The following TNS3 variants were observed in gnomAD, a reference collection of about 807,000 sequenced individuals.
TNS3 encodes the protein tensin 3.
A neutral mutation model predicts 140.9 loss-of-function variants in TNS3; 45 were observed. That is an observed-to-expected ratio of 0.32 (90% CI 0.25 to 0.41). TNS3 has a LOEUF of 0.41. Ranked by LOEUF, TNS3 falls within the 10% of genes least tolerant of loss-of-function variation. TNS3 has a pLI of 1.00. For synonymous variants in TNS3, 815 were observed against 788.4 expected, an observed-to-expected ratio of 1.03 and a Z score of -0.56; for missense variants, 1,716 against 1,906.7, an observed-to-expected ratio of 0.90 and a Z score of 1.86.
At chr7:47,495,053 T>C (rs1204335315) in intron 3 of TNS3, among the ~76,000 whole-genome samples, 1 of 151,928 alleles carries the variant, frequency 6.6e-6, no homozygotes, top group Non-Finnish European at 1.5e-5. Flanking sequence ...AGAAACGTTC[T>C]TCTCCCCGGC....
At chr7:47,427,683 G>T (rs1211828800) in intron 9 of TNS3, among the ~76,000 whole-genome samples, 1 of 152,116 alleles carries the variant, frequency 6.6e-6, no homozygotes, top group Admixed American at 6.5e-5. Context: ...GACCCGAGTG[G>T]CACCTCCAAA....
At chr7:47,459,590 C>A (rs562037634) in intron 4 of TNS3, among the ~76,000 whole-genome samples, 32 of 152,234 alleles carry the variant, frequency 2.1e-4, no homozygotes, top group Middle Eastern at 6.8e-3. Flanking sequence ...TAAATTCCCC[C>A]ACAAGAGAAC....
intron 2 of TNS3, among the ~76,000 whole-genome samples, chr7:47,518,977 A>G (rs1798872866): frequency 6.6e-6 from 1 of 152,136 alleles, no homozygotes; most frequent in African/African-American, 2.4e-5. Flanking sequence ...GGCACTGACT[A>G]ATGTTGATGA....
intron 5 of TNS3, among the ~76,000 whole-genome samples, chr7:47,441,435 C>T (rs1402704594): frequency 1.3e-5 from 2 of 152,190 alleles, no homozygotes; most frequent in Non-Finnish European, 2.9e-5. Context: ...CTCAGCCTCC[C>T]AAAGTGCTGG....
Position 47,297,141 on chromosome 7 carries a change from T to C in TNS3, c.3617A>G (p.Tyr1206Cys). Residue 1206 changes from tyrosine to cysteine, a missense_variant, in exon 24 of 31, where the codon TAT becomes TGT. By Grantham distance (194) the Tyr-to-Cys change is radical (BLOSUM62 -2). Coordinates refer to ENST00000311160, the MANE Select transcript of TNS3 (RefSeq NM_022748.12). ...VRDSHSFRGA[Y>C]GLAMKVATPP... ...CGTGGCCACCTTCATGGCCAGGCCA[T>C]AGGCCCCTCGGAAGGAATGGCTGTC... The C allele has an allele frequency of 1.9e-6, 3 of 1,614,058 alleles. No individual in the cohort carries two copies. Among genetic ancestry groups the C allele is most frequent in the Non-Finnish European group, 2.5e-6 (3 of 1,180,028 alleles).
rs369807762 is a variant in TNS3 at position 47,400,327 on chromosome 7, C to A, written c.919+66G>T. The A allele has an allele frequency of 1.6e-5, 21 of 1,321,132 alleles. No individual in the cohort carries two copies. The African/African-American group carries it at 2.9e-4, about 18-fold the overall frequency. The allele number at this position is 1,321,132 out of a possible 1,614,324, so 81.8% of individuals were successfully genotyped here. A position where few individuals can be genotyped will look rare whatever the true frequency, so the allele number is the denominator to read the frequency against. On this transcript the variant is annotated intron_variant, in intron 15 of 30. Coordinates refer to ENST00000311160, the MANE Select transcript of TNS3 (RefSeq NM_022748.12). Reference sequence around the variant, plus strand: ...CAGGAGACTAGTACTACAGCCCCAGCGTAGCCATCATGCACCTTTCACCAG... The same window carrying A: ...CAGGAGACTAGTACTACAGCCCCAGAGTAGCCATCATGCACCTTTCACCAG...
chr7:47,456,085 T>C (rs1194571884), intron 4 of TNS3, among the ~76,000 whole-genome samples: 1 of 152,200 alleles, frequency 6.6e-6, no homozygotes, highest in African/African-American at 2.4e-5. Flanking sequence ...CTCAATTGTT[T>C]TTAACAAGGT....
intron 17 of TNS3, among the ~76,000 whole-genome samples, chr7:47,355,611 G>C (rs1031717006): frequency 6.6e-6 from 1 of 152,148 alleles, no homozygotes; most frequent in African/African-American, 2.4e-5. Flanking sequence ...TTCTCAGATC[G>C]CTTAGCCAGA....
chr7:47,354,501 T>C (rs1789875704), intron 17 of TNS3, among the ~76,000 whole-genome samples: 4 of 151,908 alleles, frequency 2.6e-5, no homozygotes, highest in African/African-American at 9.7e-5. Flanking sequence ...GCTGCACCCA[T>C]GGCACACACA....
intron 4 of TNS3, among the ~76,000 whole-genome samples, chr7:47,461,435 G>T (rs551965271): frequency 2.0e-5 from 3 of 152,202 alleles, no homozygotes; most frequent in African/African-American, 7.2e-5. Flanking sequence ...CTAGAGAATT[G>T]GCTGTCCCCG....
At chr7:47,416,078 C>A (rs1183294986) in intron 10 of TNS3, among the ~76,000 whole-genome samples, 1 of 152,254 alleles carries the variant, frequency 6.6e-6, no homozygotes, top group East Asian at 1.9e-4. Flanking sequence ...ACCCACATAA[C>A]CTCCACTGTA....
chr7:47,293,006 C>T, intron 25 of TNS3, 101 bp from the exon 26 acceptor site: 1 of 1,019,198 alleles, frequency 9.8e-7, no homozygotes, highest in South Asian at 1.5e-5. Context: ...AAAGGCTGAG[C>T]CCTTATCTTT....
At chr7:47,490,769 C>G (rs1797781814) in intron 3 of TNS3, among the ~76,000 whole-genome samples, 1 of 152,238 alleles carries the variant, frequency 6.6e-6, no homozygotes. Context: ...CCACATGAAG[C>G]AAGCACTGCC....
intron 17 of TNS3, among the ~76,000 whole-genome samples, chr7:47,364,085 C>T (rs963431911): frequency 7.2e-5 from 11 of 151,978 alleles, no homozygotes; most frequent in Admixed American, 4.6e-4. Context: ...TACGCGTGTC[C>T]CTGCTAGGAT....
intron 20 of TNS3, among the ~76,000 whole-genome samples, chr7:47,339,956 C>CATACATAT (rs772319759): frequency 7.3e-6 from 1 of 136,502 alleles, no homozygotes; most frequent in Admixed American, 7.5e-5. Flanking sequence ...TTATAAGTGG[C>CATACATAT]ATATATATAT....
At chr7:47,512,121 C>T (rs1272959010) in intron 2 of TNS3, among the ~76,000 whole-genome samples, 1 of 152,252 alleles carries the variant, frequency 6.6e-6, no homozygotes, top group Non-Finnish European at 1.5e-5. Context: ...CAGCTGCCAG[C>T]CCAGCTCTAG....
intron 24 of TNS3, among the ~76,000 whole-genome samples, chr7:47,296,229 G>A (rs965382753): frequency 2.0e-5 from 3 of 152,188 alleles, no homozygotes; most frequent in African/African-American, 7.2e-5. Flanking sequence ...TCAATTGGCT[G>A]TAGGATTTTC....
intron 16 of TNS3, among the ~76,000 whole-genome samples, chr7:47,387,308 G>A (rs1345693750): frequency 2.0e-5 from 3 of 152,220 alleles, no homozygotes; most frequent in Non-Finnish European, 4.4e-5. Context: ...TGCTCCTTAA[G>A]AACCAACTTG....
chr7:47,436,414 TG>T (rs1465418052), intron 7 of TNS3, among the ~76,000 whole-genome samples: 3 of 152,256 alleles, frequency 2.0e-5, no homozygotes, highest in Non-Finnish European at 2.9e-5. Flanking sequence ...CAAACTTTGC[TG>T]TTGAAAATGA....
Sources: gnomAD v4.1 joint callset for allele counts (sites outside exome capture counted in the v4.1 genomes callset) on GRCh38, gnomAD v4.1.1 for gene constraint, MANE v1.5 for transcripts, NCBI Gene and HGNC (gene_info 2026-07-23, HGNC 2026-07-21) for gene names.